MCTP2: variants seen among roughly 807,000 people sequenced by gnomAD.
MCTP2 encodes the protein multiple C2 and transmembrane domain-containing protein 2.
In MCTP2, 132 loss-of-function variants were observed where a neutral mutation model predicts 111.6. The ratio of observed to expected loss-of-function variants is 1.18; its 90% CI spans 1.03 to 1.37. The LOEUF is 1.37. Ranked by LOEUF, MCTP2 falls within the 40% of genes most tolerant of loss-of-function variation. The probability of loss-of-function intolerance (pLI) is 0.00; values close to 1 mark genes in which losing one functional copy is unlikely to be tolerated. For synonymous variants in MCTP2, 395 were observed against 387.7 expected, an observed-to-expected ratio of 1.02 and a Z score of -0.22; for missense variants, 1,183 against 1,067.9, an observed-to-expected ratio of 1.11 and a Z score of -1.50.
At chr15:94,405,913 C>T (rs904659826) in intron 17 of MCTP2, among the ~76,000 whole-genome samples, 3 of 152,002 alleles carry the variant, frequency 2.0e-5, no homozygotes, top group African/African-American at 7.3e-5. Flanking sequence ...CAGAAAGTAA[C>T]ATTCTTGACT....
At chr15:94,416,409 C>T (rs534325136) in intron 17 of MCTP2, among the ~76,000 whole-genome samples, 2 of 152,060 alleles carry the variant, frequency 1.3e-5, no homozygotes, top group East Asian at 3.9e-4. Flanking sequence ...GGAACAATTG[C>T]TGGAGGGGGA....
At chr15:94,313,887 G>A (rs294555) in intron 2 of MCTP2, among the ~76,000 whole-genome samples, 136,120 of 152,306 alleles carry the variant, frequency 0.89, 60,869 homozygotes, top group East Asian at 0.99. Context: ...GGACATGCTC[G>A]ATTCTCTGGA....
chr15:94,387,013 A>G (rs1378397765), intron 14 of MCTP2, among the ~76,000 whole-genome samples: 1 of 152,136 alleles, frequency 6.6e-6, no homozygotes, highest in Non-Finnish European at 1.5e-5. Context: ...CATTTAAAGT[A>G]GGCTTTCCCA....
At chr15:94,431,086 G>T (rs1356747126) in intron 17 of MCTP2, among the ~76,000 whole-genome samples, 1 of 152,086 alleles carries the variant, frequency 6.6e-6, no homozygotes, top group Non-Finnish European at 1.5e-5. Flanking sequence ...CATAAAGGCT[G>T]CTTTTGGTTT....
At chr15:94,373,519 T>A (rs2079595474) in intron 12 of MCTP2, among the ~76,000 whole-genome samples, 1 of 152,222 alleles carries the variant, frequency 6.6e-6, no homozygotes, top group Non-Finnish European at 1.5e-5. Context: ...AAATTATGCC[T>A]TTTTTAATAA....
chr15:94,403,068 A>G (rs2081684501), intron 17 of MCTP2: 2 of 987,206 alleles, frequency 2.0e-6, no homozygotes, highest in Non-Finnish European at 2.4e-6. Flanking sequence ...CATCAAGTAT[A>G]TCAGCTCCAA....
At chr15:94,423,083 C>T (rs2082704688) in intron 17 of MCTP2, among the ~76,000 whole-genome samples, 1 of 152,124 alleles carries the variant, frequency 6.6e-6, no homozygotes, top group Non-Finnish European at 1.5e-5. Flanking sequence ...TCTAATTGAA[C>T]CAATGAATTA....
At chr15:94,281,718 C>T (rs1199509944) in intron 1 of MCTP2, among the ~76,000 whole-genome samples, 1 of 152,166 alleles carries the variant, frequency 6.6e-6, no homozygotes, top group Non-Finnish European at 1.5e-5. Flanking sequence ...CCATGTTTAG[C>T]ATTCCCATAA....
chr15:94,379,296 C>T (rs1567571953), intron 12 of MCTP2, among the ~76,000 whole-genome samples: 1 of 151,812 alleles, frequency 6.6e-6, no homozygotes, highest in African/African-American at 2.4e-5. Flanking sequence ...GTGGGGTAAA[C>T]AGAGAGAAAA....
chr15:94,466,738 T>C (rs2152536182), intron 20 of MCTP2, among the ~76,000 whole-genome samples: 1 of 152,282 alleles, frequency 6.6e-6, no homozygotes, highest in African/African-American at 2.4e-5. Context: ...TGGAGCTTAG[T>C]TACCTCCAAG....
intron 2 of MCTP2, among the ~76,000 whole-genome samples, chr15:94,313,118 G>C (rs28378790): frequency 2.0e-5 from 3 of 152,110 alleles, no homozygotes; most frequent in African/African-American, 7.2e-5. Context: ...GGGAAATTCC[G>C]TGGTTTTCAT....
At chr15:94,233,747 T>C (rs1335394717) in intron 1 of MCTP2, among the ~76,000 whole-genome samples, 1 of 152,218 alleles carries the variant, frequency 6.6e-6, no homozygotes, top group Non-Finnish European at 1.5e-5. Flanking sequence ...TTTCTTTAAG[T>C]GCATGTAAAC....
intron 19 of MCTP2, among the ~76,000 whole-genome samples, chr15:94,443,581 G>A (rs1487469402): frequency 1.3e-5 from 2 of 152,196 alleles, no homozygotes; most frequent in Non-Finnish European, 2.9e-5. Flanking sequence ...ATGGTAACAT[G>A]TAGGAAGCTT....
At chr15:94,365,675 A>G (rs1368843) in intron 10 of MCTP2, among the ~76,000 whole-genome samples, 85,847 of 151,972 alleles carry the variant, frequency 0.56, 25,137 homozygotes, top group African/African-American at 0.67. Flanking sequence ...TTTTAGTAGC[A>G]CTTACTTATA....
At chr15:94,402,618 A>G (rs1410298018) in intron 17 of MCTP2, 2 of 1,549,048 alleles carry the variant, frequency 1.3e-6, no homozygotes, top group African/African-American at 1.4e-5. Context: ...TAAGTCTACC[A>G]CTGAGAGCCC....
intron 21 of MCTP2, among the ~76,000 whole-genome samples, chr15:94,474,395 C>G (rs1199673492): frequency 6.6e-6 from 1 of 152,140 alleles, no homozygotes; most frequent in Non-Finnish European, 1.5e-5. Flanking sequence ...ATTCTCCCAT[C>G]TACCCAAGAA....
Position 94,298,657 on chromosome 15 carries a change from G to T in MCTP2, c.392G>T (p.Arg131Ile), listed in dbSNP as rs1298888966. ...EEAYASPAERRRVSSNGIFDL... is the reference protein window; with the variant it reads ...EEAYASPAERIRVSSNGIFDL... ...GCCTATGCCTCTCCTGCTGAGCGGA[G>T]ACGGGTGTCCAGCAACGGCATCTTT... is the stretch of plus-strand genomic sequence containing the variant. Residue 131 changes from arginine to isoleucine, a missense_variant, in exon 2 of 23, where the codon AGA becomes ATA. Physicochemically the swap from Arg to Ile is moderately conservative, Grantham distance 97. Transcript: ENST00000357742. 6.2e-7 allele frequency: 1 copy of T among 1,613,810 alleles called. No individual in the cohort carries two copies. Among genetic ancestry groups the T allele is most frequent in the African/African-American group, 1.3e-5 (1 of 74,926 alleles).
chr15:94,412,202 A>G (rs1003873703), intron 17 of MCTP2, among the ~76,000 whole-genome samples: 1 of 152,084 alleles, frequency 6.6e-6, no homozygotes, highest in African/African-American at 2.4e-5. Context: ...CTACTTTTAC[A>G]ATGCACGGCT....
At chr15:94,235,924 C>T (rs1451052148) in intron 1 of MCTP2, among the ~76,000 whole-genome samples, 1 of 152,188 alleles carries the variant, frequency 6.6e-6, no homozygotes, top group Non-Finnish European at 1.5e-5. Context: ...TAGTCATTTG[C>T]TGACTACTGT....
Sources: gnomAD v4.1 joint callset for allele counts (sites outside exome capture counted in the v4.1 genomes callset) on GRCh38, gnomAD v4.1.1 for gene constraint, MANE v1.5 for transcripts, NCBI Gene and HGNC (gene_info 2026-07-23, HGNC 2026-07-21) for gene names.